Variants in CELF4 observed in about 807,000 individuals in gnomAD.
CELF4 encodes CUGBP Elav-like family member 4.
In CELF4, 18 loss-of-function variants were observed where a neutral mutation model predicts 59.9. The observed-to-expected ratio is 0.30, with a 90% CI of 0.21 to 0.45. The LOEUF is 0.45. Ranked by LOEUF, CELF4 falls within the 20% of genes least tolerant of loss-of-function variation. The pLI is 1.00. For missense variants in CELF4, 456 were observed against 689.0 expected, an observed-to-expected ratio of 0.66 and a Z score of 3.79; for synonymous variants, 261 against 267.1, an observed-to-expected ratio of 0.98 and a Z score of 0.22.
chr18:37,266,492 C>T (rs536492294), intron 9 of CELF4, 41 bp downstream of exon 9: 35 of 1,552,852 alleles, frequency 2.3e-5, no homozygotes, highest in South Asian at 9.4e-5. Context: ...GAGAGATAAA[C>T]GGAGTTGGGG....
rs200317442 is a variant in CELF4, at chr18:37,459,362, G to A, written c.369+26163C>T. On this transcript the variant is annotated intron_variant, in intron 2 of 12. Transcript: ENST00000420428. ...TCTCCCAGAGTTAATGGTCTGTGTA[G>A]GTAACTCTCTCATCTCTTTTGCTCA... 2.0e-5 allele frequency among the ~76,000 whole-genome samples: 3 copies of A among 150,850 alleles called. No homozygotes were observed. In the South Asian group the frequency reaches 6.4e-4, roughly 32 times the overall value.
At chr18:37,251,584 T>G (rs1034539382) in intron 12 of CELF4, among the ~76,000 whole-genome samples, 9 of 152,140 alleles carry the variant, frequency 5.9e-5, no homozygotes, top group African/African-American at 2.2e-4. Context: ...AACACCTTAG[T>G]CTCATTAATG....
intron 1 of CELF4, among the ~76,000 whole-genome samples, chr18:37,555,711 C>T (rs987616954): frequency 2.0e-5 from 3 of 152,220 alleles, no homozygotes; most frequent in African/African-American, 7.2e-5. Flanking sequence ...TCACTCTGGG[C>T]TGGCTGTCAC....
chr18:37,416,125 A>G (rs539788441), intron 2 of CELF4, among the ~76,000 whole-genome samples: 1 of 152,050 alleles, frequency 6.6e-6, no homozygotes, highest in East Asian at 1.9e-4. Context: ...AACCATAGAC[A>G]CCAAATACAC....
chr18:37,401,761 C>T (rs1204177813), intron 2 of CELF4, among the ~76,000 whole-genome samples: 2 of 152,192 alleles, frequency 1.3e-5, no homozygotes, highest in Non-Finnish European at 2.9e-5. Flanking sequence ...ACAAGGACAC[C>T]ATCCAGCGTT....
intron 2 of CELF4, among the ~76,000 whole-genome samples, chr18:37,471,386 G>A (rs2099828691): frequency 6.6e-6 from 1 of 152,128 alleles, no homozygotes; most frequent in Non-Finnish European, 1.5e-5. Flanking sequence ...GAACCCAAAG[G>A]AAAGGGAACA....
At chr18:37,493,746 T>C (rs2099918988) in intron 1 of CELF4, among the ~76,000 whole-genome samples, 1 of 152,126 alleles carries the variant, frequency 6.6e-6, no homozygotes, top group African/African-American at 2.4e-5. Context: ...TGCTCTCCTC[T>C]TTAGGGGCTC....
At chr18:37,434,877 C>G (rs796231300) in intron 2 of CELF4, among the ~76,000 whole-genome samples, 22 of 152,334 alleles carry the variant, frequency 1.4e-4, no homozygotes, top group African/African-American at 5.3e-4. Context: ...CCTGCACCCC[C>G]TCCTTTTCCC....
intron 2 of CELF4, among the ~76,000 whole-genome samples, chr18:37,442,776 T>A (rs746648649): frequency 6.6e-6 from 1 of 152,196 alleles, no homozygotes; most frequent in Non-Finnish European, 1.5e-5. Flanking sequence ...TGTATGGGAA[T>A]GAACAAGACG....
intron 2 of CELF4, among the ~76,000 whole-genome samples, chr18:37,453,955 T>G (rs1172308703): frequency 1.3e-5 from 2 of 152,178 alleles, no homozygotes; most frequent in African/African-American, 4.8e-5. Flanking sequence ...CCCGTCCTGT[T>G]TGATCTAACC....
chr18:37,341,555 G>A (rs1603619197), intron 2 of CELF4, among the ~76,000 whole-genome samples: 1 of 152,332 alleles, frequency 6.6e-6, no homozygotes, highest in Non-Finnish European at 1.5e-5. Context: ...TCTGGGGTCA[G>A]GACGTTGCAG....
rs370874757 is a variant in CELF4 at position 37,396,755 on chromosome 18, C to A, written c.370-74874G>T. ...GGGATAGGAGATTTGGATTCTTTCC[C>A]CCACACCTTGTAGGGTGTGAACCCA... is the stretch of plus-strand genomic sequence containing the variant. On this transcript the variant is annotated intron_variant, in intron 2 of 12. Transcript: ENST00000420428. Among the ~76,000 whole-genome samples, 50 of 152,230 alleles carry A rather than the reference C, an allele frequency of 3.3e-4. No individual in the cohort carries two copies. The East Asian group carries it at 6.0e-3, about 18-fold the overall frequency.
intron 3 of CELF4, among the ~76,000 whole-genome samples, chr18:37,278,628 G>A (rs996201431): frequency 6.6e-6 from 1 of 152,216 alleles, no homozygotes; most frequent in Admixed American, 6.5e-5. Context: ...TTACCATGGC[G>A]ATGGCCCCTA....
intron 3 of CELF4, among the ~76,000 whole-genome samples, chr18:37,313,270 A>G (rs1002540413): frequency 2.6e-5 from 4 of 152,072 alleles, no homozygotes; most frequent in Non-Finnish European, 4.4e-5. Context: ...TTAATTTTCA[A>G]CGTGCTGTGG....
intron 2 of CELF4, among the ~76,000 whole-genome samples, chr18:37,364,774 T>C (rs1349496971): frequency 2.0e-5 from 3 of 152,170 alleles, no homozygotes; most frequent in African/African-American, 7.2e-5. Context: ...AAGCTAAATA[T>C]GAATGATTTC....
rs1307294640 is a variant in CELF4 at position 37,246,798 on chromosome 18, A to G, written c.*45-1601T>C. The G allele has an allele frequency of 6.6e-6, 1 of 152,230 alleles. No individual in the cohort carries two copies. 9.4% of individuals were successfully genotyped at this position (152,230 alleles called of 1,614,324 possible). A position where few individuals can be genotyped will look rare whatever the true frequency, so the allele number is the denominator to read the frequency against. On this transcript the variant is annotated intron_variant, in intron 12 of 12. Coordinates refer to ENST00000420428, the MANE Select transcript of CELF4 (RefSeq NM_020180.4). This position sits in a 1 kb window ranked among gnomAD's most constrained non-coding sequence, Gnocchi z 5.3. ...GAAAAAAATAATGGTTTGCACAGGTAAATGATCCCATGTTTGATAATTCAG... is the reference window on the plus strand; with the variant it reads ...GAAAAAAATAATGGTTTGCACAGGTGAATGATCCCATGTTTGATAATTCAG...
At chr18:37,352,677 C>T (rs948564435) in intron 2 of CELF4, among the ~76,000 whole-genome samples, 1 of 152,126 alleles carries the variant, frequency 6.6e-6, no homozygotes, top group African/African-American at 2.4e-5. Flanking sequence ...CTGGTGTTCC[C>T]TTCATCACTA....
chr18:37,490,283 G>C (rs1466415199), intron 1 of CELF4, among the ~76,000 whole-genome samples: 2 of 152,120 alleles, frequency 1.3e-5, no homozygotes, highest in African/African-American at 4.8e-5. Flanking sequence ...GTGGGGAGTA[G>C]GGGGGTATGT....
At chr18:37,310,493 T>G (rs1438124394) in intron 3 of CELF4, among the ~76,000 whole-genome samples, 1 of 152,234 alleles carries the variant, frequency 6.6e-6, no homozygotes, top group East Asian at 1.9e-4. Context: ...TCTTGGGGTC[T>G]TCCAAGCCTG....
Sources: allele counts gnomAD v4.1 joint callset (sites outside exome capture counted in the v4.1 genomes callset), GRCh38; gene constraint gnomAD v4.1.1; non-coding constraint Gnocchi (gnomAD v3.1); transcripts MANE v1.5; gene names NCBI Gene and HGNC (gene_info 2026-07-23, HGNC 2026-07-21).